The following FASTKD1 variants were observed in gnomAD, a reference collection of about 807,000 sequenced individuals.
FASTKD1 encodes FAST kinase domain-containing protein 1, mitochondrial.
FASTKD1 carries 94 observed loss-of-function variants against 90.9 expected under a neutral mutation model. That is an observed-to-expected ratio of 1.03 (90% CI 0.88 to 1.23). The LOEUF is 1.23. Ranked by LOEUF, FASTKD1 falls within the 50% of genes most tolerant of loss-of-function variation. The pLI is 0.00. For synonymous variants in FASTKD1, 319 were observed against 345.8 expected, an observed-to-expected ratio of 0.92 and a Z score of 0.86; for missense variants, 945 against 993.5, an observed-to-expected ratio of 0.95 and a Z score of 0.66.
Position 169,555,254 on chromosome 2 carries a change from C to T in FASTKD1, c.1084G>A (p.Val362Ile), listed in dbSNP as rs759146723. The change falls in exon 7 of 15, where the codon GTT (valine) becomes ATT (isoleucine). Residue 362 changes from valine (V) to isoleucine (I), a missense_variant and splice_region_variant. Coordinates refer to ENST00000453153, the MANE Select transcript of FASTKD1 (RefSeq NM_024622.6). ...AAATGTTTATGCAGAACTGAAGTAACTCTAAAAAGGATAGAGCATATATTA... is the reference window on the plus strand; with the variant it reads ...AAATGTTTATGCAGAACTGAAGTAATTCTAAAAAGGATAGAGCATATATTA... ...ESRNSCLIKRVTSVLHKHLDG... is the reference protein window; with the variant it reads ...ESRNSCLIKRITSVLHKHLDG... 4.4e-6 allele frequency: 7 copies of T among 1,605,374 alleles called. No individual in the cohort carries two copies. Among genetic ancestry groups the T allele is most frequent in the Non-Finnish European group, 6.0e-6 (7 of 1,176,086 alleles).
chr2:169,570,530 C>G (rs1278308258), intron 2 of FASTKD1, among the ~76,000 whole-genome samples: 1 of 151,878 alleles, frequency 6.6e-6, no homozygotes, highest in Non-Finnish European at 1.5e-5. Flanking sequence ...TTTCTTTTTC[C>G]TTTTAAGGGC....
intron 3 of FASTKD1, among the ~76,000 whole-genome samples, 174 bp downstream of exon 3, chr2:169,569,010 A>AC (rs1304662928): frequency 2.6e-5 from 4 of 151,686 alleles, no homozygotes; most frequent in South Asian, 2.1e-4. Context: ...AAAAAAAAAA[A>AC]AAAAACAACA....
intron 3 of FASTKD1, among the ~76,000 whole-genome samples, chr2:169,566,063 T>C (rs967935739): frequency 6.6e-6 from 1 of 152,190 alleles, no homozygotes; most frequent in Non-Finnish European, 1.5e-5. Context: ...GAGCTCCTTA[T>C]ATATTCTGGT....
Position 169,562,044 on chromosome 2 carries a change from A to G in FASTKD1, c.572+1181T>C, listed in dbSNP as rs902587481. On this transcript the variant is annotated intron_variant, in intron 4 of 14. Coordinates refer to ENST00000453153, the MANE Select transcript of FASTKD1 (RefSeq NM_024622.6). ...AATTAATTATTTATTAATTTATTGT[A>G]AATTAATTATTTATTAATTTATTGT... Among the ~76,000 whole-genome samples the G allele has an allele frequency of 2.7e-5, 3 of 112,790 alleles. 1 individual carries two copies. Among genetic ancestry groups the G allele is most frequent in the African/African-American group, 9.8e-5 (3 of 30,670 alleles). 74.0% of individuals were successfully genotyped at this position (112,790 alleles called of 152,430 possible). A position where few individuals can be genotyped will look rare whatever the true frequency, so the allele number is the denominator to read the frequency against.
chr2:169,560,382 C>A lies in FASTKD1; in HGVS notation c.971+5G>T, dbSNP rs538814341. Reference sequence around the variant, plus strand: ...AAAAAGTAATGCATTTTAAACTGAACTTACTGTTTCTTTTCTTCAGGTCCT... The same window carrying A: ...AAAAAGTAATGCATTTTAAACTGAAATTACTGTTTCTTTTCTTCAGGTCCT... On this transcript the variant is annotated splice_donor_5th_base_variant and intron_variant, in intron 5 of 14. Transcript: ENST00000453153. The A allele has an allele frequency of 6.5e-6, 10 of 1,527,242 alleles. No homozygotes were observed. Among genetic ancestry groups the A allele is most frequent in the Non-Finnish European group, 8.7e-6 (10 of 1,146,506 alleles). 94.6% of individuals were successfully genotyped at this position (1,527,242 alleles called of 1,614,324 possible).
Position 169,530,656 on chromosome 2 carries a change from G to A in FASTKD1, c.2373C>T (p.Ile791=). The change falls in exon 14 of 15, where the codon ATC becomes ATT. Residue 791 remains isoleucine, a synonymous_variant. Transcript: ENST00000453153. ...TAGCAGATTTTCCTTTCATGTGAGG[G>A]ATATTTCTACAAAGTGCTTTTGAAT... ...FLDSKALCRN[I]PHMKGKSAMK... 6.2e-7 allele frequency: 1 copy of A among 1,608,990 alleles called. No individual in the cohort carries two copies. Among genetic ancestry groups the A allele is most frequent in the Non-Finnish European group, 8.5e-7 (1 of 1,178,540 alleles).
rs113204433 is a variant in FASTKD1 at position 169,532,573 on chromosome 2, C to G, written c.2189-1083G>C. ...ATCTCTAGATATCACTAATGGTTTA[C>G]AGCAAACCCAGGTTTACAGTAAAAA... On this transcript the variant is annotated intron_variant, in intron 12 of 14. Transcript: ENST00000453153. 6.3e-3 allele frequency among the ~76,000 whole-genome samples: 954 copies of G among 151,070 alleles called. 19 individuals are homozygous for G. The highest frequency in any genetic ancestry group is 0.022 in the African/African-American group (908 of 41,224).
chr2:169,548,089 G>A (rs1165325404), intron 7 of FASTKD1, among the ~76,000 whole-genome samples: 3 of 150,494 alleles, frequency 2.0e-5, no homozygotes, highest in Admixed American at 2.0e-4. Context: ...GAATAAAACA[G>A]GAAGACCTGT....
intron 4 of FASTKD1, 46 bp from the exon 5 acceptor site, chr2:169,560,831 G>C (rs1425195425): frequency 7.4e-6 from 4 of 538,574 alleles, no homozygotes; most frequent in Admixed American, 4.4e-5. Context: ...AATTAAGAAT[G>C]ATCAATTCTT....
At chr2:169,568,568 G>A (rs1684091382) in intron 3 of FASTKD1, among the ~76,000 whole-genome samples, 1 of 127,200 alleles carries the variant, frequency 7.9e-6, no homozygotes. Flanking sequence ...CAAGGAGGAA[G>A]TATTGCTTGA....
Position 169,538,093 on chromosome 2 carries a change from AACTCCAT to A in FASTKD1, c.1987_1993del (p.Met663Ter), listed in dbSNP as rs1684801103. On this transcript the variant is annotated frameshift_variant, in exon 11 of 15. Transcript: ENST00000453153. LOFTEE classifies it high-confidence loss of function. ...GCATTCCAAGCAGACTGATCTATTTAACTCCATAAGATGAAACTGGACTCTTGCACTT... is the reference window on the plus strand; with the variant it reads ...GCATTCCAAGCAGACTGATCTATTTAAAGATGAAACTGGACTCTTGCACTT... The A allele has an allele frequency of 1.2e-6, 2 of 1,610,994 alleles. No homozygotes were observed. The highest frequency in any genetic ancestry group is 1.3e-5 in the African/African-American group (1 of 74,816).
At chr2:169,545,156 G>A (rs1349526327) in intron 8 of FASTKD1, among the ~76,000 whole-genome samples, 2 of 152,140 alleles carry the variant, frequency 1.3e-5, no homozygotes, top group African/African-American at 4.8e-5. Context: ...TGGCTGAGGT[G>A]GGAGGATTGC....
chr2:169,568,365 G>T lies in FASTKD1; in HGVS notation c.446+819C>A, dbSNP rs151016555. 3.3e-5 allele frequency among the ~76,000 whole-genome samples: 5 copies of T among 152,048 alleles called. No individual in the cohort carries two copies. In the East Asian group the frequency reaches 9.7e-4, roughly 29 times the overall value. On this transcript the variant is annotated intron_variant, in intron 3 of 14. Coordinates refer to ENST00000453153, the MANE Select transcript of FASTKD1 (RefSeq NM_024622.6). ...CTTTCTGAAGTATTCTTCTAGAAAA[G>T]AAGATTCAAAAAGGCTAGTTCATGA...
At chr2:169,531,238 T>G in intron 13 of FASTKD1, 114 bp downstream of exon 13, 38 of 1,090,872 alleles carry the variant, frequency 3.5e-5, no homozygotes, top group Non-Finnish European at 5.2e-5. Flanking sequence ...GTGGAATGCA[T>G]GACATATGAG....
intron 6 of FASTKD1, among the ~76,000 whole-genome samples, chr2:169,556,399 G>A (rs1285238671): frequency 6.8e-6 from 1 of 146,142 alleles, no homozygotes; most frequent in Non-Finnish European, 1.5e-5. Context: ...TGGCACCACT[G>A]CACTCTAGCC....
intron 7 of FASTKD1, among the ~76,000 whole-genome samples, chr2:169,547,916 A>AAAAAAAAAAAAATT (rs1685282072): frequency 7.3e-6 from 1 of 136,924 alleles, no homozygotes; most frequent in Non-Finnish European, 1.6e-5. Context: ...AAAAAAAAAA[A>AAAAAAAAAAAAATT]GAGTTTGATA....
chr2:169,571,437 G>A lies in FASTKD1; in HGVS notation c.377+216C>T, dbSNP rs192197809. ...AAATTAGCCGGGCGTGGTGGCAGGC[G>A]CCTGTAGTCCCATTGACTCGGAAGG... On this transcript the variant is annotated intron_variant, in intron 2 of 14. Coordinates refer to ENST00000453153, the MANE Select transcript of FASTKD1 (RefSeq NM_024622.6). Among the ~76,000 whole-genome samples the A allele has an allele frequency of 4.3e-3, 654 of 151,636 alleles. 2 individuals are homozygous for A. Among genetic ancestry groups the A allele is most frequent in the Non-Finnish European group, 6.6e-3 (447 of 67,932 alleles).
intron 9 of FASTKD1, 40 bp downstream of exon 9, chr2:169,544,681 T>C (rs1275111341): frequency 2.7e-6 from 3 of 1,104,670 alleles, no homozygotes; most frequent in East Asian, 4.8e-5. Context: ...AAGTATCCTC[T>C]GACTTATTCA....
chr2:169,545,246 TTC>T (rs1455455188), intron 8 of FASTKD1, among the ~76,000 whole-genome samples: 12 of 152,306 alleles, frequency 7.9e-5, no homozygotes, highest in Admixed American at 5.2e-4. Flanking sequence ...AGTAAATAAA[TTC>T]TGTTTCAGAA....
Sources: allele counts gnomAD v4.1 joint callset (sites outside exome capture counted in the v4.1 genomes callset), GRCh38; gene constraint gnomAD v4.1.1; transcripts MANE v1.5; gene names NCBI Gene and HGNC (gene_info 2026-07-23, HGNC 2026-07-21).